The following NPAS3 variants were observed in gnomAD, a reference collection of about 807,000 sequenced individuals.
The protein encoded by NPAS3 is neuronal PAS domain-containing protein 3.
NPAS3 carries 14 observed loss-of-function variants against 73.1 expected under a neutral mutation model. That is an observed-to-expected ratio of 0.19 (90% CI 0.13 to 0.30). The LOEUF (loss-of-function observed/expected upper bound fraction) is 0.30, where lower values mean the gene tolerates loss of function less well. NPAS3 is among the 10% of genes least tolerant of loss of function. NPAS3 has a pLI of 1.00. For synonymous variants in NPAS3, 620 were observed against 541.5 expected, an observed-to-expected ratio of 1.14 and a Z score of -2.01; for missense variants, 1,096 against 1,250.0, an observed-to-expected ratio of 0.88 and a Z score of 1.86.
At chr14:33,793,843 A>C in intron 9 of NPAS3, 54 bp from the exon 10 acceptor site, 1 of 1,463,294 alleles carries the variant, frequency 6.8e-7, no homozygotes, top group Non-Finnish European at 9.2e-7. Flanking sequence ...AAAAAAAAAA[A>C]GTTATTTGAT....
At chr14:33,233,809 A>G (rs1594464752) in intron 3 of NPAS3, among the ~76,000 whole-genome samples, 1 of 152,258 alleles carries the variant, frequency 6.6e-6, no homozygotes, top group African/African-American at 2.4e-5. Flanking sequence ...ATCTATCCTG[A>G]TAAAGAGTTG....
At chr14:33,066,305 G>A (rs903383027) in intron 2 of NPAS3, among the ~76,000 whole-genome samples, 2 of 152,160 alleles carry the variant, frequency 1.3e-5, no homozygotes, top group African/African-American at 2.4e-5. Flanking sequence ...ATGGAAGGTC[G>A]AGGGCATTCC....
At chr14:33,454,258 A>T (rs140605286) in intron 4 of NPAS3, among the ~76,000 whole-genome samples, 31 of 152,262 alleles carry the variant, frequency 2.0e-4, no homozygotes, top group Non-Finnish European at 3.8e-4. Flanking sequence ...TAAACATTTT[A>T]TCACAGAAGG....
chr14:33,752,810 C>A (rs1387048370), intron 7 of NPAS3, among the ~76,000 whole-genome samples: 1 of 152,140 alleles, frequency 6.6e-6, no homozygotes, highest in Non-Finnish European at 1.5e-5. Context: ...GGGAGGACGG[C>A]CTACCATCTG....
At chr14:33,666,015 A>G (rs1234685775) in intron 5 of NPAS3, among the ~76,000 whole-genome samples, 2 of 152,198 alleles carry the variant, frequency 1.3e-5, no homozygotes, top group Admixed American at 6.5e-5. Context: ...CAGTGAGACA[A>G]TTGTCCTTGT....
chr14:33,059,406 A>G (rs1056651191), intron 2 of NPAS3, among the ~76,000 whole-genome samples: 7 of 152,220 alleles, frequency 4.6e-5, no homozygotes, highest in Non-Finnish European at 8.8e-5. Context: ...AACTTCTGTT[A>G]AATGCTTATT....
At chr14:33,536,812 G>A (rs912262089) in intron 4 of NPAS3, among the ~76,000 whole-genome samples, 24 of 151,900 alleles carry the variant, frequency 1.6e-4, no homozygotes, top group African/African-American at 2.9e-4. Context: ...ATTATATAAC[G>A]GATTACAATT....
chr14:33,180,917 C>G (rs1261544764), intron 2 of NPAS3, among the ~76,000 whole-genome samples: 1 of 150,822 alleles, frequency 6.6e-6, no homozygotes, highest in Non-Finnish European at 1.5e-5. Flanking sequence ...ATAATTAAGG[C>G]TGGGAAGTTT....
intron 4 of NPAS3, among the ~76,000 whole-genome samples, chr14:33,435,749 C>G (rs1457088626): frequency 1.3e-5 from 2 of 152,222 alleles, no homozygotes; most frequent in East Asian, 3.8e-4. Flanking sequence ...TAAATCCTAT[C>G]TGCCCCCCTA....
intron 1 of NPAS3, among the ~76,000 whole-genome samples, chr14:33,020,795 T>C (rs1331983490): frequency 6.6e-6 from 1 of 152,070 alleles, no homozygotes; most frequent in East Asian, 1.9e-4. Flanking sequence ...AATTTTGCTC[T>C]TGTGGCCCAG....
upstream of NPAS3, among the ~76,000 whole-genome samples, chr14:32,936,361 C>G (rs758354217): frequency 2.7e-5 from 4 of 150,404 alleles, no homozygotes; most frequent in Non-Finnish European, 5.9e-5. Context: ...TATTCCTTGT[C>G]AAAGGGATTT....
upstream of NPAS3, chr14:32,934,905 G>A (rs2035648283): frequency 3.0e-5 from 29 of 981,792 alleles, no homozygotes; most frequent in Non-Finnish European, 3.5e-5. This position sits in a 1 kb window ranked among gnomAD's most constrained non-coding sequence, Gnocchi z 4.1. Context: ...CCGGCGGGGC[G>A]GCCGCGGGGG....
chr14:32,960,551 A>G (rs1387047875), intron 1 of NPAS3, among the ~76,000 whole-genome samples: 2 of 152,200 alleles, frequency 1.3e-5, no homozygotes, highest in African/African-American at 4.8e-5. Flanking sequence ...GTGAGCAGCT[A>G]TTTCATGCAC....
At chr14:33,660,987 G>A (rs75136428) in intron 5 of NPAS3, among the ~76,000 whole-genome samples, 2,104 of 151,898 alleles carry the variant, frequency 0.014, 52 homozygotes, top group African/African-American at 0.049. Flanking sequence ...TTCTTTGAAA[G>A]CGAAGAGTAA....
chr14:33,048,616 C>G (rs2040595075), intron 1 of NPAS3, among the ~76,000 whole-genome samples: 3 of 152,210 alleles, frequency 2.0e-5, no homozygotes, highest in Admixed American at 6.5e-5. Context: ...CCATGTAGAA[C>G]TTGCATTTTA....
At chr14:33,745,558 T>C (rs541900121) in intron 7 of NPAS3, among the ~76,000 whole-genome samples, 1 of 152,316 alleles carries the variant, frequency 6.6e-6, no homozygotes, top group African/African-American at 2.4e-5. Context: ...GCCTGGCCCA[T>C]AGTGAACACA....
At chr14:33,418,707 G>A (rs1413927716) in intron 4 of NPAS3, among the ~76,000 whole-genome samples, 1 of 151,638 alleles carries the variant, frequency 6.6e-6, no homozygotes, top group Non-Finnish European at 1.5e-5. Context: ...AAATGCTTAG[G>A]GAAATTCCTT....
chr14:33,323,521 G>C (rs562053725), intron 3 of NPAS3, among the ~76,000 whole-genome samples: 1 of 152,324 alleles, frequency 6.6e-6, no homozygotes, highest in Non-Finnish European at 1.5e-5. Flanking sequence ...ATACGTGGAA[G>C]ATGGTAACAA....
intron 6 of NPAS3, among the ~76,000 whole-genome samples, chr14:33,718,943 G>A (rs112005279): frequency 1.2e-4 from 18 of 151,936 alleles, no homozygotes; most frequent in Non-Finnish European, 2.1e-4. Context: ...CCTGGGTAAC[G>A]TAGCAAGACC....
Sources: gnomAD v4.1 joint callset for allele counts (sites outside exome capture counted in the v4.1 genomes callset) on GRCh38, gnomAD v4.1.1 for gene constraint, Gnocchi (gnomAD v3.1) non-coding constraint, MANE v1.5 for transcripts, NCBI Gene and HGNC (gene_info 2026-07-23, HGNC 2026-07-21) for gene names.